CADM2: variants seen among roughly 807,000 people sequenced by gnomAD.
CADM2 encodes the protein cell adhesion molecule 2.
In CADM2, 12 loss-of-function variants were observed where a neutral mutation model predicts 49.8. The observed-to-expected ratio is 0.24, with a 90% CI of 0.15 to 0.39. The LOEUF (loss-of-function observed/expected upper bound fraction) is 0.39, where lower values mean the gene tolerates loss of function less well. Ranked by LOEUF, CADM2 falls within the 10% of genes least tolerant of loss-of-function variation. CADM2 has a pLI of 1.00. For synonymous variants in CADM2, 214 were observed against 175.4 expected (o/e 1.22, Z -1.74); for missense variants, 378 against 492.3 (o/e 0.77, Z 2.20).
intron 1 of CADM2, among the ~76,000 whole-genome samples, chr3:85,124,131 G>C (rs1377865137): frequency 6.6e-6 from 1 of 152,168 alleles, no homozygotes; most frequent in Non-Finnish European, 1.5e-5. Flanking sequence ...CTTTCCCATA[G>C]GGACTGGGAA....
chr3:85,135,064 T>C (rs953847707), intron 1 of CADM2, among the ~76,000 whole-genome samples: 4 of 151,960 alleles, frequency 2.6e-5, no homozygotes, highest in African/African-American at 7.2e-5. Context: ...TAAAAATTAT[T>C]TTTATTCATA....
chr3:85,424,413 G>A (rs1478979753), intron 1 of CADM2, among the ~76,000 whole-genome samples: 1 of 151,304 alleles, frequency 6.6e-6, no homozygotes, highest in Admixed American at 6.6e-5. Context: ...TCTCTTTAAT[G>A]TCCCCACCTT....
chr3:85,726,910 A>G (rs1354533072), intron 2 of CADM2, among the ~76,000 whole-genome samples: 1 of 152,134 alleles, frequency 6.6e-6, no homozygotes, highest in Non-Finnish European at 1.5e-5. Flanking sequence ...GAAAGTCTCA[A>G]AAATGAGTAT....
chr3:85,152,922 C>T (rs1364799914), intron 1 of CADM2, among the ~76,000 whole-genome samples: 3 of 149,212 alleles, frequency 2.0e-5, no homozygotes, highest in African/African-American at 7.5e-5. Flanking sequence ...CGAGATGGCA[C>T]CACTGCACTC....
rs13064386 is a variant in CADM2, at chr3:85,807,304, G to A, written c.238+5108G>A. On this transcript the variant is annotated intron_variant, in intron 3 of 9. Transcript: ENST00000383699. ...ACCTGAGGTCAGGAGTTTGAGACCA[G>A]CCTGGCCAACGTGACGAAAAACCAT... Among the ~76,000 whole-genome samples, 569 of 152,058 alleles carry A rather than the reference G, an allele frequency of 3.7e-3. 4 individuals are homozygous for A. Among genetic ancestry groups the A allele is most frequent in the Middle Eastern group, 0.014 (4 of 292 alleles).
chr3:85,083,115 A>G (rs992735842), intron 1 of CADM2, among the ~76,000 whole-genome samples: 3 of 152,158 alleles, frequency 2.0e-5, no homozygotes, highest in South Asian at 2.1e-4. Flanking sequence ...TATACATAGT[A>G]TATGTGTATT....
At chr3:85,390,988 T>G (rs1429636204) in intron 1 of CADM2, among the ~76,000 whole-genome samples, 1 of 152,100 alleles carries the variant, frequency 6.6e-6, no homozygotes, top group Non-Finnish European at 1.5e-5. Flanking sequence ...CATATATTCC[T>G]AGGTGCATCT....
At chr3:85,966,395 A>C (rs1034741943) in intron 8 of CADM2, among the ~76,000 whole-genome samples, 1 of 151,616 alleles carries the variant, frequency 6.6e-6, no homozygotes, top group Admixed American at 6.6e-5. Context: ...CTTTTACCGT[A>C]GTAACCCTAT....
At chr3:85,024,489 A>G (rs1320097724) in intron 1 of CADM2, among the ~76,000 whole-genome samples, 2 of 152,098 alleles carry the variant, frequency 1.3e-5, no homozygotes, top group African/African-American at 4.8e-5. Context: ...CTGCTCGAGC[A>G]TAAATATGGT....
chr3:85,262,657 G>A (rs2043037654), intron 1 of CADM2, among the ~76,000 whole-genome samples: 1 of 152,104 alleles, frequency 6.6e-6, no homozygotes, highest in Non-Finnish European at 1.5e-5. Context: ...AACTCAGAGA[G>A]TGAAATAACT....
At chr3:85,516,086 A>C in intron 1 of CADM2, among the ~76,000 whole-genome samples, 1 of 152,156 alleles carries the variant, frequency 6.6e-6, no homozygotes, top group African/African-American at 2.4e-5. Flanking sequence ...AATGTTAATA[A>C]TATTCATGAT....
chr3:85,809,751 C>CCTCCCTCCTCT lies in CADM2; in HGVS notation c.238+7563_238+7564insTCTCTCCCTCC, dbSNP rs1282273162. Among the ~76,000 whole-genome samples the CCTCCCTCCTCT allele has an allele frequency of 6.8e-4, 50 of 73,882 alleles. 1 individual carries two copies. Among genetic ancestry groups the CCTCCCTCCTCT allele is most frequent in the African/African-American group, 4.8e-3 (50 of 10,372 alleles). 48.5% of individuals were successfully genotyped at this position (73,882 alleles called of 152,430 possible). On this transcript the variant is annotated intron_variant, in intron 3 of 9. Transcript: ENST00000383699. ...TCCCTCCCTCCCTCCCTCCTCTCTC[C>CCTCCCTCCTCT]CTCCCTCCCTCCCTCTCTCTCTCTC...
At chr3:86,058,136 A>T (rs1335551865) in intron 8 of CADM2, among the ~76,000 whole-genome samples, 1 of 152,214 alleles carries the variant, frequency 6.6e-6, no homozygotes, top group African/African-American at 2.4e-5. Flanking sequence ...TCAGACTGCC[A>T]CCAGATTCTT....
chr3:85,961,660 T>C lies in CADM2; in HGVS notation c.970+13T>C. ...CTCATTGTGCATGGTGAGTAAATTT[T>C]GGAAAACATTATATGTGAAAGGATG... On this transcript the variant is annotated intron_variant, in intron 8 of 9. Transcript: ENST00000383699. 1 of 1,518,450 alleles carries C rather than the reference T, an allele frequency of 6.6e-7. No homozygotes were observed. The highest frequency in any genetic ancestry group is 8.9e-7 in the Non-Finnish European group (1 of 1,117,362). 94.1% of individuals were successfully genotyped at this position (1,518,450 alleles called of 1,614,324 possible).
At chr3:85,077,580 T>C (rs1442157734) in intron 1 of CADM2, among the ~76,000 whole-genome samples, 1 of 152,080 alleles carries the variant, frequency 6.6e-6, no homozygotes, top group Non-Finnish European at 1.5e-5. Flanking sequence ...ATTTAATAAG[T>C]ATATATTAAA....
At chr3:85,618,420 G>GA (rs995391592) in intron 1 of CADM2, among the ~76,000 whole-genome samples, 5 of 151,812 alleles carry the variant, frequency 3.3e-5, no homozygotes, top group East Asian at 3.9e-4. Context: ...TAACGAAACA[G>GA]AAAAAAAAGA....
chr3:85,257,983 A>G (rs1330171668), intron 1 of CADM2, among the ~76,000 whole-genome samples: 1 of 152,106 alleles, frequency 6.6e-6, no homozygotes, highest in Non-Finnish European at 1.5e-5. Context: ...GACTCCTCCC[A>G]TTTCAAAAAT....
At chr3:85,035,357 C>G (rs2171143) in intron 1 of CADM2, among the ~76,000 whole-genome samples, 7 of 151,954 alleles carry the variant, frequency 4.6e-5, no homozygotes, top group Admixed American at 3.3e-4. Flanking sequence ...ATTATTTTCT[C>G]CCATTCCGCT....
At chr3:85,773,791 A>G (rs1161565326) in intron 2 of CADM2, among the ~76,000 whole-genome samples, 1 of 152,026 alleles carries the variant, frequency 6.6e-6, no homozygotes, top group East Asian at 1.9e-4. Context: ...GATCCTCAGT[A>G]TTAAAAATGA....
Sources: allele counts gnomAD v4.1 joint callset (sites outside exome capture counted in the v4.1 genomes callset), GRCh38; gene constraint gnomAD v4.1.1; transcripts MANE v1.5; gene names NCBI Gene and HGNC (gene_info 2026-07-23, HGNC 2026-07-21).